PTCHD4: variants seen among roughly 807,000 people sequenced by gnomAD.
The protein encoded by PTCHD4 is patched domain containing 4.
Under a neutral mutation model 58.1 loss-of-function variants are expected in PTCHD4, and 33 were observed. The ratio of observed to expected loss-of-function variants is 0.57; its 90% CI spans 0.43 to 0.76. The LOEUF (loss-of-function observed/expected upper bound fraction) is 0.76, where lower values mean the gene tolerates loss of function less well. Ranked by LOEUF, PTCHD4 falls within the 30% of genes least tolerant of loss-of-function variation. PTCHD4 has a pLI of 0.00. For synonymous variants in PTCHD4, 478 were observed against 409.6 expected (o/e 1.17, Z -2.02); for missense variants, 1,058 against 1,027.1 (o/e 1.03, Z -0.41).
At chr6:48,061,291 A>G (rs1764618043) in intron 3 of PTCHD4, among the ~76,000 whole-genome samples, 1 of 152,200 alleles carries the variant, frequency 6.6e-6, no homozygotes, top group Non-Finnish European at 1.5e-5. Flanking sequence ...TTAAAGCTTA[A>G]ACAGGTGACA....
intron 3 of PTCHD4, among the ~76,000 whole-genome samples, chr6:48,040,708 T>C (rs1406956894): frequency 6.6e-6 from 1 of 152,098 alleles, no homozygotes; most frequent in East Asian, 1.9e-4. Context: ...GCCTCAACAA[T>C]TCTGTGAAAT....
Position 48,102,579 on chromosome 6 carries a change from G to A in PTCHD4, c.-970+8470C>T, listed in dbSNP as rs191763265. Among the ~76,000 whole-genome samples the A allele has an allele frequency of 3.3e-4, 50 of 152,332 alleles. 1 individual carries two copies. The East Asian group carries it at 7.5e-3, about 23-fold the overall frequency. Reference sequence around the variant, plus strand: ...TTTCTGCATTTCCAACTGAGGTACCGGGTTCATCTCACAGGGGAGTGCCGG... The same window carrying A: ...TTTCTGCATTTCCAACTGAGGTACCAGGTTCATCTCACAGGGGAGTGCCGG... On this transcript the variant is annotated intron_variant, in intron 1 of 4. Coordinates refer to ENST00000339488, the MANE Select transcript of PTCHD4 (RefSeq NM_001384253.1).
At chr6:48,011,589 T>G (rs1484308364) in intron 3 of PTCHD4, among the ~76,000 whole-genome samples, 2 of 152,234 alleles carry the variant, frequency 1.3e-5, no homozygotes, top group African/African-American at 4.8e-5. Flanking sequence ...AGATCCCATT[T>G]GTCAATTTTG....
chr6:48,078,396 G>T (rs1303762748), intron 1 of PTCHD4, among the ~76,000 whole-genome samples: 1 of 152,230 alleles, frequency 6.6e-6, no homozygotes, highest in East Asian at 1.9e-4. Context: ...TGTGGCCACA[G>T]AGGAATAGCT....
chr6:47,962,908 C>T (rs1293093069), intron 4 of PTCHD4, among the ~76,000 whole-genome samples: 1 of 151,610 alleles, frequency 6.6e-6, no homozygotes, highest in East Asian at 1.9e-4. Flanking sequence ...GCCTGTAATC[C>T]TAGCACTTTG....
In PTCHD4 at chr6:47,856,988, C is replaced by G. The variant is rs1457512814; in HGVS notation, c.*21315G>C. On this transcript the variant is annotated 3_prime_UTR_variant, in exon 5 of 5. Transcript: ENST00000339488. ...GGTAATGAATCAAAACTGCCAAAAG[C>G]TGAAGCATGACAACATTGATGATCA... 2.0e-5 allele frequency among the ~76,000 whole-genome samples: 3 copies of G among 151,956 alleles called. No individual in the cohort carries two copies. The highest frequency in any genetic ancestry group is 2.9e-5 in the Non-Finnish European group (2 of 67,974).
At chr6:47,888,654 T>G (rs189598012) in intron 4 of PTCHD4, among the ~76,000 whole-genome samples, 1 of 152,290 alleles carries the variant, frequency 6.6e-6, no homozygotes, top group Non-Finnish European at 1.5e-5. Flanking sequence ...TTTGTTTTTG[T>G]TTTTGTTTTA....
rs1763594327 is a variant in PTCHD4 at position 47,867,370 on chromosome 6, A to AATATCCTT, written c.*10932_*10933insAAGGATAT. Among the ~76,000 whole-genome samples, 1 of 151,802 alleles carries AATATCCTT rather than the reference A, an allele frequency of 6.6e-6. No homozygotes were observed. Among genetic ancestry groups the AATATCCTT allele is most frequent in the Non-Finnish European group, 1.5e-5 (1 of 67,854 alleles). On this transcript the variant is annotated 3_prime_UTR_variant, in exon 5 of 5. Transcript: ENST00000339488. ...ATTATAAATTTATGTGATATTGCTC[A>AATATCCTT]GTTTTGGGATCCTTGATTTTAACAG...
At chr6:47,934,447 A>G (rs1581900345) in intron 4 of PTCHD4, among the ~76,000 whole-genome samples, 1 of 151,812 alleles carries the variant, frequency 6.6e-6, no homozygotes, top group East Asian at 1.9e-4. Context: ...ATATTAAGCC[A>G]AGAAAAAAAA....
At chr6:47,894,089 A>G (rs1382715437) in intron 4 of PTCHD4, among the ~76,000 whole-genome samples, 1 of 152,202 alleles carries the variant, frequency 6.6e-6, no homozygotes, top group Non-Finnish European at 1.5e-5. Context: ...GCTGAGTTCT[A>G]TCAGCCCATG....
intron 3 of PTCHD4, among the ~76,000 whole-genome samples, chr6:48,054,056 G>C (rs1017335295): frequency 1.3e-5 from 2 of 152,008 alleles, no homozygotes; most frequent in African/African-American, 2.4e-5. Context: ...TCTCAATTTC[G>C]CTATCCACTG....
In PTCHD4 at chr6:47,864,383, G is replaced by A. The variant is rs1763504217; in HGVS notation, c.*13920C>T. 6.6e-6 allele frequency among the ~76,000 whole-genome samples: 1 copy of A among 151,802 alleles called. No homozygotes were observed. Among genetic ancestry groups the A allele is most frequent in the East Asian group, 1.9e-4 (1 of 5,132 alleles). On this transcript the variant is annotated 3_prime_UTR_variant, in exon 5 of 5. Coordinates refer to ENST00000339488, the MANE Select transcript of PTCHD4 (RefSeq NM_001384253.1). ...AGTTTGCTTTGCTAAAATCCTTGAT[G>A]GGTAGTGGCTGCCTCTCATTTCTCT...
At chr6:47,987,040 A>G (rs1768091779) in intron 4 of PTCHD4, among the ~76,000 whole-genome samples, 1 of 152,070 alleles carries the variant, frequency 6.6e-6, no homozygotes, top group Non-Finnish European at 1.5e-5. Context: ...GTAATAATTG[A>G]TCTACAGTAA....
At chr6:47,899,446 T>A (rs1764628915) in intron 4 of PTCHD4, among the ~76,000 whole-genome samples, 1 of 152,204 alleles carries the variant, frequency 6.6e-6, no homozygotes, top group Non-Finnish European at 1.5e-5. Context: ...ATAACATAGG[T>A]GGAATGTTGT....
intron 3 of PTCHD4, among the ~76,000 whole-genome samples, chr6:48,062,149 A>G (rs1764651859): frequency 6.6e-6 from 1 of 152,238 alleles, no homozygotes; most frequent in African/African-American, 2.4e-5. Flanking sequence ...TGAAAAATGC[A>G]ACATAAAGAT....
intron 4 of PTCHD4, among the ~76,000 whole-genome samples, chr6:47,979,433 G>C (rs1436100891): frequency 6.6e-6 from 1 of 152,176 alleles, no homozygotes; most frequent in African/African-American, 2.4e-5. Flanking sequence ...AAAATAAGAT[G>C]GTTGATCAAT....
intron 4 of PTCHD4, among the ~76,000 whole-genome samples, chr6:47,970,456 G>A (rs756262982): frequency 1.3e-5 from 2 of 152,116 alleles, no homozygotes; most frequent in Non-Finnish European, 2.9e-5. Context: ...AGAATTTGCG[G>A]CAAGCTGGAT....
chr6:48,101,754 G>T (rs1765607327), intron 1 of PTCHD4, among the ~76,000 whole-genome samples: 1 of 151,990 alleles, frequency 6.6e-6, no homozygotes, highest in South Asian at 2.1e-4. Flanking sequence ...CCTTTCCCTT[G>T]TAGGTCCTAC....
intron 4 of PTCHD4, among the ~76,000 whole-genome samples, chr6:47,923,549 G>GT (rs1765500269): frequency 6.6e-6 from 1 of 152,188 alleles, no homozygotes; most frequent in South Asian, 2.1e-4. Context: ...TAAAACTGGT[G>GT]TTGTTTTTGT....
Sources: allele counts gnomAD v4.1 joint callset (sites outside exome capture counted in the v4.1 genomes callset), GRCh38; gene constraint gnomAD v4.1.1; transcripts MANE v1.5; gene names NCBI Gene and HGNC (gene_info 2026-07-23, HGNC 2026-07-21).